OPTN: variants seen among roughly 807,000 people sequenced by gnomAD.
The protein encoded by OPTN is optineurin, also known as E3-14.7K-interacting protein.
Under a neutral mutation model 70.4 loss-of-function variants are expected in OPTN, and 54 were observed. That is an observed-to-expected ratio of 0.77 (90% CI 0.62 to 0.96). The LOEUF (loss-of-function observed/expected upper bound fraction) is 0.96, where lower values mean the gene tolerates loss of function less well. Ranked by LOEUF, OPTN falls within the 40% of genes least tolerant of loss-of-function variation. The pLI, the probability that OPTN is intolerant of heterozygous loss-of-function variation, is 0.00. For missense variants in OPTN, 624 were observed against 673.2 expected (o/e 0.93, Z 0.81); for synonymous variants, 256 against 248.5 (o/e 1.03, Z -0.28).
In OPTN at chr10:13,110,658, A is replaced by G. The variant is rs75860863; in HGVS notation, c.369+182A>G. Among the ~76,000 whole-genome samples, 2,135 of 152,270 alleles carry G rather than the reference A, an allele frequency of 0.014. 45 individuals carry two copies. The highest frequency in any genetic ancestry group is 0.087 in the East Asian group (448 of 5,174). ...TTGGTTGCCCTATTAAGGGTCATGG[A>G]TAATCTCTTTTAGAAGAAAGAAATT... On this transcript the variant is annotated intron_variant, in intron 4 of 14. Coordinates refer to ENST00000378747, the MANE Select transcript of OPTN (RefSeq NM_001008212.2).
intron 13 of OPTN, 72 bp from the exon 14 acceptor site, chr10:13,133,430 A>C: frequency 7.7e-7 from 1 of 1,297,518 alleles, no homozygotes. Context: ...ACTTCTGTGG[A>C]CTGTCTGCTC....
Position 13,137,288 on chromosome 10 carries a change from A to C in OPTN, c.*422A>C, listed in dbSNP as rs552767112. On this transcript the variant is annotated 3_prime_UTR_variant, in exon 15 of 15. Transcript: ENST00000378747. ...AGGGAGACTCTGTCTCGAAAGAAAG[A>C]AAGAAAAAAAGGAAGGAAGGAGAAG... The C allele has an allele frequency of 3.1e-6, 1 of 320,208 alleles. No homozygotes were observed. Among genetic ancestry groups the C allele is most frequent in the South Asian group, 5.0e-5 (1 of 20,152 alleles). 19.8% of individuals were successfully genotyped at this position (320,208 alleles called of 1,614,324 possible). A position where few individuals can be genotyped will look rare whatever the true frequency, so the allele number is the denominator to read the frequency against.
chr10:13,112,031 GT>G (rs1833017093), intron 4 of OPTN, among the ~76,000 whole-genome samples: 1 of 151,180 alleles, frequency 6.6e-6, no homozygotes, highest in South Asian at 2.1e-4. Context: ...TGTATTTTTA[GT>G]AGAGACGGGG....
chr10:13,136,324 A>G (rs1011933485), intron 14 of OPTN, among the ~76,000 whole-genome samples: 25 of 152,238 alleles, frequency 1.6e-4, no homozygotes, highest in African/African-American at 5.5e-4. Flanking sequence ...TCTGGCCAAC[A>G]TGGCAAAACC....
At chr10:13,110,514 T>G (rs75617318) in intron 4 of OPTN, 38 bp downstream of exon 4, 35 of 1,589,852 alleles carry the variant, frequency 2.2e-5, no homozygotes, top group Admixed American at 3.4e-5. Flanking sequence ...GTTTTTTTTT[T>G]TTCCCTTGAC....
chr10:13,136,676 G>A, intron 14 of OPTN, 69 bp from the exon 15 acceptor site: 1 of 1,599,700 alleles, frequency 6.3e-7, no homozygotes, highest in Non-Finnish European at 8.6e-7. Flanking sequence ...CTCGCCATCT[G>A]TTCTTCAAGT....
chr10:13,124,183 A>G, intron 9 of OPTN, 73 bp downstream of exon 9: 1 of 852,676 alleles, frequency 1.2e-6, no homozygotes, highest in Non-Finnish European at 1.9e-6. Flanking sequence ...ATATAAAAAC[A>G]TAGTTTTTTA....
Position 13,116,354 on chromosome 10 carries a change from G to T in OPTN, c.626+14G>T. On this transcript the variant is annotated intron_variant, in intron 6 of 14. Transcript: ENST00000378747. Reference sequence around the variant, plus strand: ...CTCCACTGGCACGTATGTGAAGGAAGACTCGGGCTGTCAGGCAGACAGGCT... The same window carrying T: ...CTCCACTGGCACGTATGTGAAGGAATACTCGGGCTGTCAGGCAGACAGGCT... The T allele has an allele frequency of 1.9e-6, 3 of 1,605,880 alleles. No homozygotes were observed. In the East Asian group the frequency reaches 6.7e-5, roughly 36 times the overall value.
chr10:13,104,254 C>CTTT (rs60982439), intron 1 of OPTN, among the ~76,000 whole-genome samples: 45 of 97,826 alleles, frequency 4.6e-4, no homozygotes, highest in African/African-American at 1.6e-3. Context: ...GTTTTTTTTT[C>CTTT]TTTTTTTTTT....
At chr10:13,120,068 C>T (rs537488709) in intron 7 of OPTN, among the ~76,000 whole-genome samples, 17 of 150,618 alleles carry the variant, frequency 1.1e-4, no homozygotes, top group East Asian at 5.9e-4. Flanking sequence ...CTGCAAGCTC[C>T]GCCTCCCGGG....
intron 10 of OPTN, 98 bp from the exon 11 acceptor site, chr10:13,125,848 G>T (rs1833446265): frequency 1.1e-6 from 1 of 931,528 alleles, no homozygotes; most frequent in Non-Finnish European, 1.7e-6. Context: ...TAGGCGAGAA[G>T]ATTTTTCTAC....
chr10:13,118,824 G>T (rs903052065), intron 6 of OPTN, 64 bp from the exon 7 acceptor site: 1 of 1,406,998 alleles, frequency 7.1e-7, no homozygotes, highest in Admixed American at 1.7e-5. Context: ...GTTATATTGG[G>T]TTACTCTCTT....
intron 5 of OPTN, among the ~76,000 whole-genome samples, chr10:13,114,758 T>TTATATAATTATATAATTATATATA (rs1833086190): frequency 2.1e-5 from 1 of 48,332 alleles, no homozygotes; most frequent in African/African-American, 6.5e-5. Flanking sequence ...AATTATATAA[T>TTATATAATTATATAATTATATATA]TGCATATATA....
At position 13,127,814 on chromosome 10, in the gene OPTN, G is replaced by A. The variant is rs768591421; in HGVS notation, c.1312G>A (p.Ala438Thr). 55 of 1,613,992 alleles carry A rather than the reference G, an allele frequency of 3.4e-5. No homozygotes were observed. The highest frequency in any genetic ancestry group is 3.3e-5 in the Admixed American group (2 of 60,004). The stretch of plus-strand genomic sequence containing the variant: ...ACTGGAACTGGCAGAGAAGGCTCTG[G>A]CTTCCAAACAGCTGCAAATGGATGA... ...EKLELAEKAL[A>T]SKQLQMDEMK... Residue 438 changes from alanine (A) to threonine (T), a missense_variant, in exon 12 of 15, where the codon GCT becomes ACT. Physicochemically the swap from Ala to Thr is moderately conservative, Grantham distance 58. Coordinates refer to ENST00000378747, the MANE Select transcript of OPTN (RefSeq NM_001008212.2).
At chr10:13,104,744 AATG>A in intron 1 of OPTN, 1 of 670,770 alleles carries the variant, frequency 1.5e-6, no homozygotes, top group East Asian at 3.2e-5. Context: ...ATTTAATTTC[AATG>A]ATAACTTCTT....
chr10:13,112,743 T>C, intron 5 of OPTN, 108 bp downstream of exon 5: 1 of 1,107,202 alleles, frequency 9.0e-7, no homozygotes, highest in Admixed American at 1.8e-5. Flanking sequence ...ATTGAGGAAA[T>C]TCCAGTGTAG....
chr10:13,114,805 TA>T lies in OPTN; in HGVS notation c.553-1461del, dbSNP rs1425146201. Among the ~76,000 whole-genome samples the T allele has an allele frequency of 7.5e-4, 35 of 46,766 alleles. 2 individuals carry two copies. The highest frequency in any genetic ancestry group is 0.019 in the Middle Eastern group (1 of 54). 30.7% of individuals were successfully genotyped at this position (46,766 alleles called of 152,430 possible). ...ATATAATTATATAATTATATATACATATATATAATTATATAATTATATAATT... is the reference window on the plus strand; with the variant it reads ...ATATAATTATATAATTATATATACATTATATAATTATATAATTATATAATT... On this transcript the variant is annotated intron_variant, in intron 5 of 14. Transcript: ENST00000378747.
intron 12 of OPTN, 99 bp from the exon 13 acceptor site, chr10:13,131,968 G>C (rs1240427608): frequency 1.7e-6 from 2 of 1,177,262 alleles, no homozygotes; most frequent in Non-Finnish European, 1.2e-6. Flanking sequence ...ATTCACAAGG[G>C]CTATTGAAGG....
intron 2 of OPTN, 115 bp from the exon 3 acceptor site, chr10:13,108,997 A>T: frequency 1.1e-6 from 1 of 923,504 alleles, no homozygotes; most frequent in South Asian, 1.3e-5. Context: ...AACTGGAGAG[A>T]AAGTGGGCAA....
Sources: gnomAD v4.1 joint callset for allele counts (sites outside exome capture counted in the v4.1 genomes callset) on GRCh38, gnomAD v4.1.1 for gene constraint, MANE v1.5 for transcripts, NCBI Gene and HGNC (gene_info 2026-07-23, HGNC 2026-07-21) for gene names.